Variants in DIP2C observed in about 807,000 individuals in gnomAD.
DIP2C encodes DIP2 acetate--CoA ligase C (putative).
Under a neutral mutation model 192.4 loss-of-function variants are expected in DIP2C, and 33 were observed. The ratio of observed to expected loss-of-function variants is 0.17; its 90% CI spans 0.13 to 0.23. DIP2C has a LOEUF of 0.23. Ranked by LOEUF, DIP2C falls within the 10% of genes least tolerant of loss-of-function variation. The pLI is 1.00. For synonymous variants in DIP2C, 979 were observed against 864.1 expected (o/e 1.13, Z -2.33); for missense variants, 1,537 against 2,110.1 (o/e 0.73, Z 5.32).
At chr10:395,130 TTGGGGGAGGGAGGAGATG>T (rs1564657183) in intron 10 of DIP2C, among the ~76,000 whole-genome samples, 37 of 63,914 alleles carry the variant, frequency 5.8e-4, no homozygotes, top group East Asian at 1.9e-3. Context: ...GAGGGAGGAG[TTGGGGGAGGGAGGAGATG>T]GGGGGGAGGG....
rs545147033 is a variant in DIP2C, at chr10:424,890, CCAAA to C, written c.395-1861_395-1858del. On this transcript the variant is annotated intron_variant, in intron 4 of 36. Coordinates refer to ENST00000280886, the MANE Select transcript of DIP2C (RefSeq NM_014974.3). ...AGACACTCAACATAATAGCAGCAAA[CCAAA>C]CAAACAGCATATGACACGGATGATA... Among the ~76,000 whole-genome samples, 123 of 152,368 alleles carry C rather than the reference CCAAA, an allele frequency of 8.1e-4. 1 individual carries two copies. The highest frequency in any genetic ancestry group is 5.2e-3 in the Admixed American group (79 of 15,308).
At chr10:408,836 G>T in intron 9 of DIP2C, 90 bp downstream of exon 9, 1 of 1,255,858 alleles carries the variant, frequency 8.0e-7, no homozygotes, top group Non-Finnish European at 1.1e-6. Context: ...AAGTGGAGGT[G>T]GCGCTGAACT....
chr10:475,788 T>C (rs1044059590), intron 2 of DIP2C, among the ~76,000 whole-genome samples: 4 of 152,216 alleles, frequency 2.6e-5, no homozygotes, highest in African/African-American at 7.2e-5. Flanking sequence ...CTTAACGATA[T>C]GTTCCTGGAA....
At chr10:665,256 T>C (rs1476900688) in intron 1 of DIP2C, 4 of 152,252 alleles carry the variant, frequency 2.6e-5, no homozygotes, top group African/African-American at 9.6e-5. Flanking sequence ...CTTTATATTA[T>C]ATACTAGTGA....
intron 10 of DIP2C, among the ~76,000 whole-genome samples, chr10:396,801 C>T (rs983925485): frequency 3.6e-5 from 5 of 140,080 alleles, no homozygotes; most frequent in African/African-American, 8.6e-5. Context: ...CTGATGCACA[C>T]GTGGAGTGCT....
intron 29 of DIP2C, 137 bp downstream of exon 29, chr10:341,062 G>T: frequency 8.1e-7 from 1 of 1,236,050 alleles, no homozygotes; most frequent in Non-Finnish European, 1.2e-6. Context: ...GAAGTAGAGG[G>T]ACACGGGTAA....
intron 1 of DIP2C, among the ~76,000 whole-genome samples, chr10:579,971 C>T (rs937523269): frequency 2.0e-5 from 3 of 151,496 alleles, no homozygotes; most frequent in Non-Finnish European, 2.9e-5. Flanking sequence ...ACAGCCATAG[C>T]CAATGTACAT....
intron 5 of DIP2C, among the ~76,000 whole-genome samples, chr10:420,317 G>A (rs1966096077): frequency 6.6e-6 from 1 of 152,260 alleles, no homozygotes; most frequent in South Asian, 2.1e-4. Context: ...GTGCCGAGCT[G>A]CCTGGACACG....
At chr10:550,185 CT>C (rs1199061362) in intron 1 of DIP2C, among the ~76,000 whole-genome samples, 1 of 151,874 alleles carries the variant, frequency 6.6e-6, no homozygotes. Flanking sequence ...AATTTTTGTA[CT>C]TTTAGTAGAG....
In DIP2C at chr10:517,213, C is replaced by T. The variant is rs1202014750; in HGVS notation, c.86-30683G>A. Among the ~76,000 whole-genome samples, 3 of 152,164 alleles carry T rather than the reference C, an allele frequency of 2.0e-5. No homozygotes were observed. The South Asian group carries it at 6.2e-4, about 32-fold the overall frequency. On this transcript the variant is annotated intron_variant, in intron 1 of 36. Coordinates refer to ENST00000280886, the MANE Select transcript of DIP2C (RefSeq NM_014974.3). ...TCCTTTTCCCTTCTCCATTTCTCCACTGGATTCATCAAATCAAACCTTGCT... is the reference window on the plus strand; with the variant it reads ...TCCTTTTCCCTTCTCCATTTCTCCATTGGATTCATCAAATCAAACCTTGCT...
chr10:393,838 A>C (rs1198902323), intron 10 of DIP2C, among the ~76,000 whole-genome samples: 1 of 151,230 alleles, frequency 6.6e-6, no homozygotes, highest in African/African-American at 2.4e-5. Context: ...AAAAAAAAAA[A>C]AACAACCCAC....
intron 1 of DIP2C, among the ~76,000 whole-genome samples, chr10:608,167 C>A (rs1564262488): frequency 2.1e-5 from 1 of 47,480 alleles, no homozygotes; most frequent in Non-Finnish European, 3.2e-5. Flanking sequence ...CCCCCACAGC[C>A]CCCCCCACAC....
intron 3 of DIP2C, among the ~76,000 whole-genome samples, chr10:452,612 T>C (rs566263443): frequency 6.6e-6 from 1 of 152,294 alleles, no homozygotes; most frequent in South Asian, 2.1e-4. Flanking sequence ...CGAAAGACCT[T>C]TCACAACGTG....
At chr10:382,624 C>T (rs372202240) in intron 17 of DIP2C, 23 bp downstream of exon 17, 11 of 1,576,618 alleles carry the variant, frequency 7.0e-6, no homozygotes, top group African/African-American at 2.7e-5. Context: ...AGGTTATCTA[C>T]GTAAATCAAC....
At chr10:348,909 T>C in intron 25 of DIP2C, 147 bp from the exon 26 acceptor site, 1 of 1,243,126 alleles carries the variant, frequency 8.0e-7, no homozygotes, top group Non-Finnish European at 1.1e-6. Flanking sequence ...CTGGCGGGTT[T>C]TGTCAGCTTT....
At chr10:304,267 A>G (rs984357166) in intron 32 of DIP2C, among the ~76,000 whole-genome samples, 4 of 152,172 alleles carry the variant, frequency 2.6e-5, no homozygotes, top group African/African-American at 9.7e-5. Context: ...GATGGCCACA[A>G]CATCAATAAA....
At chr10:459,597 T>C (rs1969585642) in intron 3 of DIP2C, among the ~76,000 whole-genome samples, 2 of 152,260 alleles carry the variant, frequency 1.3e-5, no homozygotes, top group South Asian at 4.2e-4. Flanking sequence ...ACGTGGGCTC[T>C]AGGATCTTCC....
At chr10:609,942 G>A (rs936505019) in intron 1 of DIP2C, among the ~76,000 whole-genome samples, 4 of 152,092 alleles carry the variant, frequency 2.6e-5, no homozygotes, top group African/African-American at 9.7e-5. Flanking sequence ...AAGGAATGCG[G>A]CATTCCACCG....
chr10:488,181 T>C (rs1439267473), intron 1 of DIP2C, among the ~76,000 whole-genome samples: 2 of 152,080 alleles, frequency 1.3e-5, no homozygotes, highest in Non-Finnish European at 2.9e-5. Flanking sequence ...TGGGAAAGGG[T>C]GGCAGCACTG....
Sources: gnomAD v4.1 joint callset for allele counts (sites outside exome capture counted in the v4.1 genomes callset) on GRCh38, gnomAD v4.1.1 for gene constraint, MANE v1.5 for transcripts, NCBI Gene and HGNC (gene_info 2026-07-23, HGNC 2026-07-21) for gene names.